Variants in DOCK3 observed in about 807,000 individuals in gnomAD.
The protein encoded by DOCK3 is dedicator of cytokinesis protein 3.
DOCK3 carries 60 observed loss-of-function variants against 265.6 expected under a neutral mutation model. That is an observed-to-expected ratio of 0.23 (90% CI 0.18 to 0.28). The LOEUF is 0.28. Ranked by LOEUF, DOCK3 falls within the 10% of genes least tolerant of loss-of-function variation. The pLI, the probability that DOCK3 is intolerant of heterozygous loss-of-function variation, is 1.00. For synonymous variants in DOCK3, 881 were observed against 938.0 expected, an observed-to-expected ratio of 0.94 and a Z score of 1.11; for missense variants, 1,981 against 2,594.3, an observed-to-expected ratio of 0.76 and a Z score of 5.14.
intron 23 of DOCK3, among the ~76,000 whole-genome samples, chr3:51,267,159 T>C (rs1346614111): frequency 6.6e-6 from 1 of 152,126 alleles, no homozygotes; most frequent in Non-Finnish European, 1.5e-5. Context: ...ATTAAAAAGT[T>C]AGGATACAAC....
At chr3:51,300,888 G>A (rs1186738487) in intron 27 of DOCK3, among the ~76,000 whole-genome samples, 2 of 152,172 alleles carry the variant, frequency 1.3e-5, no homozygotes, top group African/African-American at 2.4e-5. Context: ...TCTCTACCAG[G>A]TTTTAGTATC....
At chr3:51,218,811 A>T (rs2089937837) in intron 14 of DOCK3, among the ~76,000 whole-genome samples, 2 of 152,126 alleles carry the variant, frequency 1.3e-5, no homozygotes, top group Non-Finnish European at 2.9e-5. Flanking sequence ...AGTGTGCCTC[A>T]GAATCACCTG....
At chr3:51,168,992 A>G (rs2086543473) in intron 12 of DOCK3, among the ~76,000 whole-genome samples, 1 of 152,330 alleles carries the variant, frequency 6.6e-6, no homozygotes, top group East Asian at 1.9e-4. Context: ...AAAAAGCTAA[A>G]CATCACTGAT....
intron 2 of DOCK3, among the ~76,000 whole-genome samples, chr3:50,779,488 A>G (rs2041805666): frequency 6.6e-6 from 1 of 152,022 alleles, no homozygotes; most frequent in Non-Finnish European, 1.5e-5. Context: ...GGTTCAAGTA[A>G]TTCCCCTGCC....
chr3:51,188,766 T>C (rs1027172625), intron 12 of DOCK3, among the ~76,000 whole-genome samples: 1 of 152,200 alleles, frequency 6.6e-6, no homozygotes, highest in Admixed American at 6.5e-5. Context: ...TTCTTTTCAA[T>C]GGCTGAATAG....
chr3:50,879,010 T>G (rs1369126679), intron 3 of DOCK3, among the ~76,000 whole-genome samples: 1 of 152,070 alleles, frequency 6.6e-6, no homozygotes, highest in Non-Finnish European at 1.5e-5. Flanking sequence ...AACCCAGAAT[T>G]TCATATCCAG....
At chr3:51,252,715 A>G (rs1469227858) in intron 22 of DOCK3, among the ~76,000 whole-genome samples, 2 of 152,184 alleles carry the variant, frequency 1.3e-5, no homozygotes, top group Admixed American at 6.6e-5. Context: ...TTGATTTTGT[A>G]TCCTGAGACT....
At chr3:51,124,967 TAAAAAAA>T (rs35040855) in intron 9 of DOCK3, among the ~76,000 whole-genome samples, 1 of 126,668 alleles carries the variant, frequency 7.9e-6, no homozygotes, top group African/African-American at 3.0e-5. Flanking sequence ...CTGTCTCTAC[TAAAAAAA>T]AAAAAAAAAA....
rs1306728109 is a variant in DOCK3, at chr3:51,008,332, T to G, written c.316-56116T>G. Among the ~76,000 whole-genome samples, 4 of 152,152 alleles carry G rather than the reference T, an allele frequency of 2.6e-5. No homozygotes were observed. In the East Asian group the frequency reaches 5.8e-4, roughly 22 times the overall value. Reference sequence around the variant, plus strand: ...TGGTTTGTAGTTCTCCTTGAAGAGGTCCTTCACATCCCTTGTACACAAGTT... The same window carrying G: ...TGGTTTGTAGTTCTCCTTGAAGAGGGCCTTCACATCCCTTGTACACAAGTT... On this transcript the variant is annotated intron_variant, in intron 5 of 52. Transcript: ENST00000266037.
chr3:50,811,556 A>G (rs553322262), intron 2 of DOCK3, among the ~76,000 whole-genome samples: 9 of 152,364 alleles, frequency 5.9e-5, no homozygotes, highest in Non-Finnish European at 7.3e-5. Flanking sequence ...TCACATATTC[A>G]GATATTGGCA....
intron 9 of DOCK3, among the ~76,000 whole-genome samples, chr3:51,099,285 G>C (rs2082988831): frequency 6.6e-6 from 1 of 152,216 alleles, no homozygotes; most frequent in Admixed American, 6.5e-5. Flanking sequence ...ACTTTGGCCT[G>C]TGGTTAAACC....
intron 2 of DOCK3, among the ~76,000 whole-genome samples, chr3:50,822,378 A>AG (rs35573736): frequency 0.094 from 14,359 of 152,178 alleles, 836 homozygotes; most frequent in Non-Finnish European, 0.12. Context: ...ACTTTGATAA[A>AG]TTGGTTATCA....
chr3:51,037,983 AT>A (rs1420857113), intron 5 of DOCK3, among the ~76,000 whole-genome samples: 2 of 152,282 alleles, frequency 1.3e-5, no homozygotes, highest in East Asian at 3.9e-4. Flanking sequence ...ATCCTCTGGG[AT>A]ATTACTGGGA....
At position 51,370,868 on chromosome 3, in the gene DOCK3, G is replaced by A. The variant is rs752174764; in HGVS notation, c.5294-3601G>A. ...AAAAGCTCAGGTGGGCTAGATATTC[G>A]AGATGGCTCACATACATGGCTGGCA... On this transcript the variant is annotated intron_variant, in intron 49 of 52. Transcript: ENST00000266037. Among the ~76,000 whole-genome samples, 6 of 152,168 alleles carry A rather than the reference G, an allele frequency of 3.9e-5. No homozygotes were observed. The East Asian group carries it at 5.8e-4, about 15-fold the overall frequency.
intron 5 of DOCK3, among the ~76,000 whole-genome samples, chr3:50,963,522 T>A (rs1259715568): frequency 6.6e-6 from 1 of 152,218 alleles, no homozygotes; most frequent in Admixed American, 6.5e-5. Context: ...CTTGATTTAA[T>A]ATTTAAAAAT....
chr3:50,966,497 TCTTCC>T (rs1559872408), intron 5 of DOCK3, among the ~76,000 whole-genome samples: 3 of 123,834 alleles, frequency 2.4e-5, no homozygotes, highest in Non-Finnish European at 1.7e-5. Flanking sequence ...TTTTTTTTTT[TCTTCC>T]TTTTTTTTTT....
chr3:50,890,091 T>C lies in DOCK3; in HGVS notation c.218+10T>C. 2 of 1,428,386 alleles carry C rather than the reference T, an allele frequency of 1.4e-6. No homozygotes were observed. The highest frequency in any genetic ancestry group is 1.8e-6 in the Non-Finnish European group (2 of 1,103,366). 88.5% of individuals were successfully genotyped at this position (1,428,386 alleles called of 1,614,324 possible). The stretch of plus-strand genomic sequence containing the variant: ...TTGTCAGTAATAGGGGGTGAGTAAT[T>C]GGCCTTACTAAATTTATGTACAATT... On this transcript the variant is annotated intron_variant, in intron 4 of 52. Transcript: ENST00000266037.
intron 25 of DOCK3, among the ~76,000 whole-genome samples, chr3:51,275,669 G>A (rs1345117437): frequency 2.0e-5 from 3 of 152,092 alleles, no homozygotes; most frequent in African/African-American, 7.2e-5. Context: ...CAGGGCATAC[G>A]AGAGGTTAAT....
rs2085010444 is a variant in DOCK3 at position 51,338,469 on chromosome 3, G to A, written c.3672+50G>A. 5 of 1,547,792 alleles carry A rather than the reference G, an allele frequency of 3.2e-6. No individual in the cohort carries two copies. The South Asian group carries it at 6.0e-5, about 18-fold the overall frequency. On this transcript the variant is annotated intron_variant, in intron 36 of 52. Coordinates refer to ENST00000266037, the MANE Select transcript of DOCK3 (RefSeq NM_004947.5). ...CTCTCTGCCTACTGAAATGGTTTCT[G>A]TCCTGCACTGTGATTGGCTTGGCCC... is the stretch of plus-strand genomic sequence containing the variant.
Sources: allele counts gnomAD v4.1 joint callset (sites outside exome capture counted in the v4.1 genomes callset), GRCh38; gene constraint gnomAD v4.1.1; transcripts MANE v1.5; gene names NCBI Gene and HGNC (gene_info 2026-07-23, HGNC 2026-07-21).